L2HGDH: variants seen among roughly 807,000 people sequenced by gnomAD.
L2HGDH encodes the protein L-2-hydroxyglutarate dehydrogenase, also known as L-2-hydroxyglutarate dehydrogenase, mitochondrial.
A neutral mutation model predicts 51.5 loss-of-function variants in L2HGDH; 34 were observed. The ratio of observed to expected loss-of-function variants is 0.66; its 90% CI spans 0.50 to 0.88. L2HGDH has a LOEUF of 0.88. L2HGDH is among the 40% of genes least tolerant of loss of function. The pLI is 0.00. For missense variants in L2HGDH, 558 were observed against 571.9 expected (o/e 0.98, Z 0.25); for synonymous variants, 198 against 197.9 (o/e 1.00, Z -0.01).
intron 5 of L2HGDH, among the ~76,000 whole-genome samples, chr14:50,282,739 G>A (rs1028714388): frequency 6.6e-6 from 1 of 152,154 alleles, no homozygotes; most frequent in African/African-American, 2.4e-5. Flanking sequence ...AGGACCAAGT[G>A]CTTAATAAAT....
Position 50,277,513 on chromosome 14 carries a change from C to T in L2HGDH, c.738+1007G>A, listed in dbSNP as rs1890039778. 2.0e-5 allele frequency among the ~76,000 whole-genome samples: 3 copies of T among 152,010 alleles called. No homozygotes were observed. The South Asian group carries it at 6.2e-4, about 32-fold the overall frequency. On this transcript the variant is annotated intron_variant, in intron 6 of 9. Coordinates refer to ENST00000267436, the MANE Select transcript of L2HGDH (RefSeq NM_024884.3). Reference sequence around the variant, plus strand: ...GCAGAGGGCCAGGCGTGGTAGCTCACACCTGTAATCCCAGCACTTTGGGAG... The same window carrying T: ...GCAGAGGGCCAGGCGTGGTAGCTCATACCTGTAATCCCAGCACTTTGGGAG...
At chr14:50,297,919 AG>A in intron 3 of L2HGDH, among the ~76,000 whole-genome samples, 1 of 142,634 alleles carries the variant, frequency 7.0e-6, no homozygotes, top group South Asian at 2.3e-4. Flanking sequence ...TGAGCAACGG[AG>A]GGAGATCCTA....
chr14:50,276,342 G>A (rs994302468), intron 6 of L2HGDH, among the ~76,000 whole-genome samples: 3 of 152,326 alleles, frequency 2.0e-5, no homozygotes, highest in South Asian at 2.1e-4. Context: ...ATGGCCACAT[G>A]ACTAGTCACA....
At chr14:50,305,642 T>G (rs969805983) in intron 1 of L2HGDH, among the ~76,000 whole-genome samples, 15 of 152,244 alleles carry the variant, frequency 9.9e-5, no homozygotes, top group African/African-American at 3.6e-4. Flanking sequence ...TTTTTATTTT[T>G]CAAAACCTCT....
At chr14:50,251,353 T>C (rs942309387) in intron 9 of L2HGDH, among the ~76,000 whole-genome samples, 1 of 151,812 alleles carries the variant, frequency 6.6e-6, no homozygotes, top group Non-Finnish European at 1.5e-5. Flanking sequence ...TAAAAAACAA[T>C]GAAGCATGCC....
chr14:50,281,321 A>G (rs1411009620), intron 5 of L2HGDH, among the ~76,000 whole-genome samples: 1 of 152,186 alleles, frequency 6.6e-6, no homozygotes, highest in Non-Finnish European at 1.5e-5. Flanking sequence ...AGCTGGGTGC[A>G]GTAGCTCGCT....
intron 6 of L2HGDH, among the ~76,000 whole-genome samples, chr14:50,272,476 G>A (rs1054190334): frequency 1.3e-5 from 2 of 152,160 alleles, no homozygotes; most frequent in Non-Finnish European, 2.9e-5. Flanking sequence ...ATGCTTTATG[G>A]AGCCTTTGGA....
At chr14:50,308,171 A>C (rs1299581387) in intron 1 of L2HGDH, among the ~76,000 whole-genome samples, 1 of 152,180 alleles carries the variant, frequency 6.6e-6, no homozygotes, top group Non-Finnish European at 1.5e-5. Context: ...CGGGCGGATC[A>C]CCTGACGTCA....
At chr14:50,251,796 G>A (rs1296825893) in intron 9 of L2HGDH, among the ~76,000 whole-genome samples, 1 of 151,986 alleles carries the variant, frequency 6.6e-6, no homozygotes, top group East Asian at 1.9e-4. Flanking sequence ...CAAGCATGAA[G>A]GAGAAATACT....
rs1366195801 is a variant in L2HGDH, at chr14:50,267,929, AAAT to A, written c.907-22_907-20del. The A allele has an allele frequency of 8.1e-6, 13 of 1,610,924 alleles. No homozygotes were observed. Among genetic ancestry groups the A allele is most frequent in the Admixed American group, 1.7e-5 (1 of 59,994 alleles). On this transcript the variant is annotated intron_variant, in intron 7 of 9. Transcript: ENST00000267436. ...CTGGGACCTATAAATTTAACATAGT[AAAT>A]AACAGCCTCATTTCACATTCCATGT...
intron 5 of L2HGDH, among the ~76,000 whole-genome samples, chr14:50,279,334 C>T (rs1470987669): frequency 1.3e-5 from 2 of 151,780 alleles, no homozygotes; most frequent in African/African-American, 4.8e-5. Context: ...AAATTAATGC[C>T]CTCAAAGCAA....
intron 9 of L2HGDH, among the ~76,000 whole-genome samples, chr14:50,257,180 T>C (rs1404466714): frequency 1.3e-5 from 2 of 152,106 alleles, no homozygotes; most frequent in Non-Finnish European, 2.9e-5. Flanking sequence ...CCACCCTCCA[T>C]GGCCTGGCAA....
intron 6 of L2HGDH, among the ~76,000 whole-genome samples, chr14:50,277,913 G>C (rs987229961): frequency 6.6e-6 from 1 of 152,084 alleles, no homozygotes; most frequent in Non-Finnish European, 1.5e-5. Context: ...CCACTGTCCA[G>C]TGAATTCCAG....
chr14:50,294,524 A>C (rs1044932194), intron 3 of L2HGDH, among the ~76,000 whole-genome samples: 10 of 152,188 alleles, frequency 6.6e-5, no homozygotes, highest in African/African-American at 9.6e-5. Context: ...CTCTATGTGC[A>C]TCTTGGCCAT....
chr14:50,267,564 T>TTTG (rs1566512718), intron 8 of L2HGDH, among the ~76,000 whole-genome samples, 189 bp downstream of exon 8: 12 of 150,980 alleles, frequency 7.9e-5, no homozygotes, highest in African/African-American at 2.7e-4. Flanking sequence ...GCATTTTTTT[T>TTTG]TTTGTTTGTT....
At position 50,242,815 on chromosome 14, in the gene L2HGDH, C is replaced by T; in HGVS notation, c.*4243G>A. The stretch of plus-strand genomic sequence containing the variant: ...AGATCTTTAGATAATAGTGTATGCG[C>T]AGAAAGATGAGGAAACCTCTGACCA... On this transcript the variant is annotated 3_prime_UTR_variant, in exon 10 of 10. Transcript: ENST00000267436. The T allele has an allele frequency of 3.0e-6, 3 of 985,394 alleles. No homozygotes were observed. Among genetic ancestry groups the T allele is most frequent in the Non-Finnish European group, 3.6e-6 (3 of 829,924 alleles). The allele number at this position is 985,394 out of a possible 1,614,324, so 61.0% of individuals were successfully genotyped here.
chr14:50,242,765 C>G lies in L2HGDH; in HGVS notation c.*4293G>C. On this transcript the variant is annotated 3_prime_UTR_variant, in exon 10 of 10. Transcript: ENST00000267436. Reference sequence around the variant, plus strand: ...TAGAAAAGCTTAGAAACTGACTTTACGATTACAACTCAAAAATGTTTACAA... The same window carrying G: ...TAGAAAAGCTTAGAAACTGACTTTAGGATTACAACTCAAAAATGTTTACAA... 5.1e-6 allele frequency: 5 copies of G among 985,360 alleles called. No homozygotes were observed. The highest frequency in any genetic ancestry group is 6.0e-6 in the Non-Finnish European group (5 of 829,904). 61.0% of individuals were successfully genotyped at this position (985,360 alleles called of 1,614,324 possible). A position where few individuals can be genotyped will look rare whatever the true frequency, so the allele number is the denominator to read the frequency against.
chr14:50,298,724 G>T (rs922999505), intron 3 of L2HGDH, among the ~76,000 whole-genome samples: 5 of 151,942 alleles, frequency 3.3e-5, no homozygotes, highest in African/African-American at 1.2e-4. Flanking sequence ...AAACCAATAC[G>T]CTCCTAAATG....
intron 9 of L2HGDH, among the ~76,000 whole-genome samples, chr14:50,259,495 C>A (rs1269666511): frequency 6.6e-6 from 1 of 151,104 alleles, no homozygotes; most frequent in Non-Finnish European, 1.5e-5. Context: ...CAGGCATGAG[C>A]CACCCCGCCC....
Sources: gnomAD v4.1 joint callset for allele counts (sites outside exome capture counted in the v4.1 genomes callset) on GRCh38, gnomAD v4.1.1 for gene constraint, MANE v1.5 for transcripts, NCBI Gene and HGNC (gene_info 2026-07-23, HGNC 2026-07-21) for gene names.